POU5F1: variants seen among roughly 807,000 people sequenced by gnomAD.
POU5F1 encodes the protein POU domain, class 5, transcription factor 1.
Under a neutral mutation model 38.3 loss-of-function variants are expected in POU5F1, and 6 were observed. The observed-to-expected ratio is 0.16, with a 90% CI of 0.09 to 0.31. The LOEUF (loss-of-function observed/expected upper bound fraction) is 0.31. Among genes scored for constraint, POU5F1 ranks in the 10% least tolerant of loss-of-function variants. The probability of loss-of-function intolerance (pLI) is 1.00; values close to 1 mark genes in which losing one functional copy is unlikely to be tolerated. For synonymous variants in POU5F1, 147 were observed against 194.9 expected (o/e 0.75, Z 2.05); for missense variants, 286 against 462.6 (o/e 0.62, Z 3.50).
At chr6:31,168,238 C>CT (rs9279006) in intron 1 of POU5F1, among the ~76,000 whole-genome samples, 4,330 of 122,910 alleles carry the variant, frequency 0.035, 108 homozygotes, top group East Asian at 0.071. Flanking sequence ...CTAGCCTCAC[C>CT]TTTTTTTTTT....
chr6:31,165,761 C>A lies in POU5F1; in HGVS notation c.527-60G>T, dbSNP rs1357559949. Reference sequence around the variant, plus strand: ...GGGAGCACGCAGGGCCCTTGTGACCCTGAGATCCAAGCTTACCACCTCTTC... The same window carrying A: ...GGGAGCACGCAGGGCCCTTGTGACCATGAGATCCAAGCTTACCACCTCTTC... On this transcript the variant is annotated intron_variant, in intron 2 of 4. Coordinates refer to ENST00000259915, the MANE Select transcript of POU5F1 (RefSeq NM_002701.6). This position sits in a 1 kb window ranked among gnomAD's most constrained non-coding sequence, Gnocchi z 6.5. 1.3e-6 allele frequency: 2 copies of A among 1,574,960 alleles called. No individual in the cohort carries two copies. The highest frequency in any genetic ancestry group is 2.3e-5 in the South Asian group (2 of 86,866).
Position 31,165,982 on chromosome 6 carries a change from C to T in POU5F1, c.471G>A (p.Arg157=). 6.2e-7 allele frequency: 1 copy of T among 1,614,206 alleles called. No homozygotes were observed. Among genetic ancestry groups the T allele is most frequent in the Non-Finnish European group, 8.5e-7 (1 of 1,180,024 alleles). The change falls in exon 2 of 5, where the codon AGG becomes AGA. Residue 157 remains arginine (R), a synonymous_variant. Coordinates refer to ENST00000259915, the MANE Select transcript of POU5F1 (RefSeq NM_002701.6). This position sits in a 1 kb window ranked among gnomAD's most constrained non-coding sequence, Gnocchi z 6.5. Reference sequence around the variant, plus strand: ...CGGCCTGTGTATATCCCAGGGTGATCCTCTTCTGCTTCAGGAGCTTGGCAA... The same window carrying T: ...CGGCCTGTGTATATCCCAGGGTGATTCTCTTCTGCTTCAGGAGCTTGGCAA... ...EQFAKLLKQK[R]ITLGYTQADV...
chr6:31,166,530 G>A (rs1203311467), intron 1 of POU5F1: 11 of 1,002,100 alleles, frequency 1.1e-5, no homozygotes, highest in African/African-American at 5.0e-5. Flanking sequence ...ACGGTGGCAC[G>A]CACCTGTAAT....
Position 31,165,457 on chromosome 6 carries a change from C to T in POU5F1, c.657+114G>A. 1 of 1,585,650 alleles carries T rather than the reference C, an allele frequency of 6.3e-7. No homozygotes were observed. Among genetic ancestry groups the T allele is most frequent in the Non-Finnish European group, 8.6e-7 (1 of 1,165,200 alleles). ...CCCAGCAGAACTGAGGAATTTCACT[C>T]CATCCCACTGAGAACCACTGCACCA... On this transcript the variant is annotated intron_variant, in intron 3 of 4. Transcript: ENST00000259915. The surrounding 1 kb of genome is among the most constrained non-coding windows in gnomAD (Gnocchi z 6.5).
In POU5F1 at chr6:31,170,588, G is replaced by A. The variant is rs1476851208; in HGVS notation, c.33C>T (p.Phe11=). The A allele has an allele frequency of 6.4e-7, 1 of 1,565,726 alleles. No individual in the cohort carries two copies. Among genetic ancestry groups the A allele is most frequent in the African/African-American group, 1.4e-5 (1 of 73,898 alleles). The part of the protein sequence containing the change: MAGHLASDFA[F]SPPPGGGGDG... ...CACCTCCACCACCTGGAGGGGGCGA[G>A]AAGGCGAAATCCGAAGCCAGGTGTC... Residue 11 remains phenylalanine, a synonymous_variant, in exon 1 of 5, where the codon TTC becomes TTT. Coordinates refer to ENST00000259915, the MANE Select transcript of POU5F1 (RefSeq NM_002701.6).
At chr6:31,164,998 G>C (rs1445651290) in intron 4 of POU5F1, 130 bp downstream of exon 4, 1 of 1,546,940 alleles carries the variant, frequency 6.5e-7, no homozygotes, top group African/African-American at 1.4e-5. Flanking sequence ...AATGAGCTGA[G>C]ACAGGCCTGA....
chr6:31,170,382 A>G lies in POU5F1; in HGVS notation c.239T>C (p.Val80Ala). 2 of 1,612,524 alleles carry G rather than the reference A, an allele frequency of 1.2e-6. No homozygotes were observed. Among genetic ancestry groups the G allele is most frequent in the South Asian group, 2.2e-5 (2 of 91,068 alleles). ...CGGMAYCGPQ[V>A]GVGLVPQGGL... ...GCCTTGGGGCACTAGCCCCACTCCA[A>G]CCTGGGGCCCACAGTACGCCATCCC... The change falls in exon 1 of 5, where the codon GTT becomes GCT. Residue 80 changes from valine (V) to alanine (A), a missense_variant. Val to Ala is a moderately conservative substitution (Grantham distance 64, BLOSUM62 0). Around this residue, in one of 2 missense-constraint regions of POU5F1, gnomAD observed 176 missense variants for 184.8 expected, o/e 0.95. Transcript: ENST00000259915.
chr6:31,170,646 G>T lies in POU5F1; in HGVS notation c.-26C>A. On this transcript the variant is annotated 5_prime_UTR_variant, in exon 1 of 5. Transcript: ENST00000259915. ...GGGGAAGGAAGGCGCCCCAAGCCGG[G>T]GGCCTGGTGAAATGAGGGCTTGCGA... The T allele has an allele frequency of 6.5e-7, 1 of 1,533,780 alleles. No homozygotes were observed. Among genetic ancestry groups the T allele is most frequent in the Non-Finnish European group, 8.8e-7 (1 of 1,139,166 alleles).
chr6:31,165,900 G>A lies in POU5F1; in HGVS notation c.526+27C>T, dbSNP rs45506394. 0.019 allele frequency: 30,681 copies of A among 1,613,356 alleles called. 371 individuals are homozygous for A. The highest frequency in any genetic ancestry group is 0.022 in the Non-Finnish European group (26,001 of 1,179,594). ...GGGATACTCCTTAGAGGGGAGATGC[G>A]GTCAGAATCTGCAGAGGGGAACCCA... On this transcript the variant is annotated intron_variant, in intron 2 of 4. Transcript: ENST00000259915. The surrounding 1 kb of genome is among the most constrained non-coding windows in gnomAD (Gnocchi z 6.5).
At chr6:31,166,920 G>A in intron 1 of POU5F1, 1 of 1,278,530 alleles carries the variant, frequency 7.8e-7, no homozygotes, top group African/African-American at 1.6e-5. Context: ...TCATAAGAAT[G>A]GATAAAGTGC....
At chr6:31,170,134 C>T in intron 1 of POU5F1, 82 bp downstream of exon 1, 1 of 1,606,804 alleles carries the variant, frequency 6.2e-7, no homozygotes. Context: ...CAGGTCTGGG[C>T]AGCTGCAGGT....
At chr6:31,166,938 G>C in intron 1 of POU5F1, 3 of 1,083,308 alleles carry the variant, frequency 2.8e-6, no homozygotes, top group Non-Finnish European at 3.6e-6. Context: ...TGCTTTGTGT[G>C]TACTTACTCA....
In POU5F1 at chr6:31,164,899, T is replaced by C. The variant is rs191968371; in HGVS notation, c.817-32A>G. 4.4e-3 allele frequency: 6,780 copies of C among 1,552,898 alleles called. 95 individuals are homozygous for C. The highest frequency in any genetic ancestry group is 0.031 in the South Asian group (2,703 of 88,468). ...GTGAATGACAGAAAGGAGAATGACA[T>C]TAGACAATGAGCTGAGACGGGCCTG... On this transcript the variant is annotated intron_variant, in intron 4 of 4. Coordinates refer to ENST00000259915, the MANE Select transcript of POU5F1 (RefSeq NM_002701.6).
At chr6:31,169,784 T>G in intron 1 of POU5F1, 1 of 223,210 alleles carries the variant, frequency 4.5e-6, no homozygotes, top group African/African-American at 2.3e-5. Flanking sequence ...AAGGCCAAAA[T>G]CTTGGGTCTG....
chr6:31,168,160 G>T (rs1156552680), intron 1 of POU5F1, among the ~76,000 whole-genome samples: 1 of 151,742 alleles, frequency 6.6e-6, no homozygotes. Context: ...GGCTGGTCAG[G>T]AGACCTCAAG....
Position 31,165,483 on chromosome 6 carries a change from A to C in POU5F1, c.657+88T>G. 6.2e-7 allele frequency: 1 copy of C among 1,604,348 alleles called. No homozygotes were observed. Among genetic ancestry groups the C allele is most frequent in the Non-Finnish European group, 8.5e-7 (1 of 1,175,664 alleles). On this transcript the variant is annotated intron_variant, in intron 3 of 4. Coordinates refer to ENST00000259915, the MANE Select transcript of POU5F1 (RefSeq NM_002701.6). This position sits in a 1 kb window ranked among gnomAD's most constrained non-coding sequence, Gnocchi z 6.5. The stretch of plus-strand genomic sequence containing the variant: ...CATCCCACTGAGAACCACTGCACCA[A>C]AGACGGAGAGCTACGAGCCAGTGAT...
In POU5F1 at chr6:31,164,463, T is replaced by A; in HGVS notation, c.*138A>T. 14 of 1,200,326 alleles carry A rather than the reference T, an allele frequency of 1.2e-5. No homozygotes were observed. In the South Asian group the frequency reaches 2.2e-4, roughly 19 times the overall value. 74.4% of individuals were successfully genotyped at this position (1,200,326 alleles called of 1,614,324 possible). On this transcript the variant is annotated 3_prime_UTR_variant, in exon 5 of 5. Coordinates refer to ENST00000259915, the MANE Select transcript of POU5F1 (RefSeq NM_002701.6). ...TCCAACCAGTTGCCCCAAACTCCCCTGCCCCCACCCTTTGTGTTCCCAATT... is the reference window on the plus strand; with the variant it reads ...TCCAACCAGTTGCCCCAAACTCCCCAGCCCCCACCCTTTGTGTTCCCAATT...
chr6:31,165,185 C>A lies in POU5F1; in HGVS notation c.759G>T (p.Pro253=). 1 of 1,609,136 alleles carries A rather than the reference C, an allele frequency of 6.2e-7. No homozygotes were observed. Among genetic ancestry groups the A allele is most frequent in the Non-Finnish European group, 8.5e-7 (1 of 1,178,076 alleles). The change falls in exon 4 of 5, where the codon CCG becomes CCT. Residue 253 remains proline (P), a synonymous_variant. Coordinates refer to ENST00000259915, the MANE Select transcript of POU5F1 (RefSeq NM_002701.6). This position sits in a 1 kb window ranked among gnomAD's most constrained non-coding sequence, Gnocchi z 6.5. ...GNLENLFLQC[P]KPTLQQISHI... ...GGCTGATCTGCTGCAGTGTGGGTTT[C>A]GGGCACTGCAGGAACAAATTCTCCA...
chr6:31,165,486 A>T lies in POU5F1; in HGVS notation c.657+85T>A. On this transcript the variant is annotated intron_variant, in intron 3 of 4. Coordinates refer to ENST00000259915, the MANE Select transcript of POU5F1 (RefSeq NM_002701.6). This position sits in a 1 kb window ranked among gnomAD's most constrained non-coding sequence, Gnocchi z 6.5. ...CCCACTGAGAACCACTGCACCAAAG[A>T]CGGAGAGCTACGAGCCAGTGATGGA... 6.2e-7 allele frequency: 1 copy of T among 1,604,890 alleles called. No individual in the cohort carries two copies. The highest frequency in any genetic ancestry group is 8.5e-7 in the Non-Finnish European group (1 of 1,176,040).
Sources: gnomAD v4.1 joint callset for allele counts (sites outside exome capture counted in the v4.1 genomes callset) on GRCh38, gnomAD v4.1.1 for gene constraint, gnomAD v4.1.1 regional missense constraint, Gnocchi (gnomAD v3.1) non-coding constraint, MANE v1.5 for transcripts, NCBI Gene and HGNC (gene_info 2026-07-23, HGNC 2026-07-21) for gene names.